Variants in MAPT observed in about 807,000 individuals in gnomAD.
MAPT encodes the protein microtubule-associated protein tau.
In MAPT, 34 loss-of-function variants were observed where a neutral mutation model predicts 67.9. That is an observed-to-expected ratio of 0.50 (90% CI 0.38 to 0.67). MAPT has a LOEUF of 0.67. Among genes scored for constraint, MAPT ranks in the 30% least tolerant of loss-of-function variants. MAPT has a pLI of 0.00. For synonymous variants in MAPT, 456 were observed against 464.5 expected (o/e 0.98, Z 0.23); for missense variants, 881 against 1,115.2 (o/e 0.79, Z 2.99).
intron 9 of MAPT, among the ~76,000 whole-genome samples, chr17:46,003,036 A>C (rs1013301099): frequency 3.3e-5 from 5 of 151,960 alleles, no homozygotes; most frequent in Admixed American, 1.3e-4. Context: ...CTCCTGCCTC[A>C]GCCTCGCAAA....
chr17:45,970,969 T>A (rs1018598418), intron 2 of MAPT, among the ~76,000 whole-genome samples: 1 of 152,224 alleles, frequency 6.6e-6, no homozygotes, highest in African/African-American at 2.4e-5. Flanking sequence ...TCTGTATACA[T>A]TGGGCTCTCA....
chr17:45,929,868 C>T (rs971548205), intron 1 of MAPT, among the ~76,000 whole-genome samples: 1 of 152,126 alleles, frequency 6.6e-6, no homozygotes, highest in African/African-American at 2.4e-5. Flanking sequence ...GTGCTGTTAA[C>T]CTTTGTTTGC....
chr17:45,962,573 G>A lies in MAPT; in HGVS notation c.133+103G>A, dbSNP rs1030856674. ...GCAAAGAAATTTTAAATACATTATT[G>A]TCTTAGACTGTCAGTAAAGTAAAGC... On this transcript the variant is annotated intron_variant, in intron 2 of 12. Transcript: ENST00000262410. 3.6e-6 allele frequency: 5 copies of A among 1,403,890 alleles called. No individual in the cohort carries two copies. The Admixed American group carries it at 5.9e-5, about 17-fold the overall frequency. 87.0% of individuals were successfully genotyped at this position (1,403,890 alleles called of 1,614,324 possible). A position where few individuals can be genotyped will look rare whatever the true frequency, so the allele number is the denominator to read the frequency against.
intron 1 of MAPT, among the ~76,000 whole-genome samples, chr17:45,913,907 T>G (rs2064978189): frequency 6.6e-6 from 1 of 152,094 alleles, no homozygotes. Context: ...TGGGCTTTCA[T>G]GATGCTCACA....
At chr17:45,950,184 G>A (rs1292773043) in intron 1 of MAPT, among the ~76,000 whole-genome samples, 1 of 152,178 alleles carries the variant, frequency 6.6e-6, no homozygotes, top group African/African-American at 2.4e-5. Context: ...AGGTTACAGT[G>A]AGCCTGGATG....
At chr17:46,018,503 C>T (rs972758719) in intron 11 of MAPT, 115 bp from the exon 12 acceptor site, 1 of 832,082 alleles carries the variant, frequency 1.2e-6, no homozygotes, top group Admixed American at 1.7e-5. Context: ...TTTTGCTGTG[C>T]CCCAGCAGCC....
chr17:45,938,049 C>A (rs1327141317), intron 1 of MAPT, among the ~76,000 whole-genome samples: 1 of 152,204 alleles, frequency 6.6e-6, no homozygotes, highest in African/African-American at 2.4e-5. Flanking sequence ...TCCCCCAAAT[C>A]AAGTTGTCAT....
chr17:45,983,994 A>G lies in MAPT; in HGVS notation c.1351+64A>G, dbSNP rs2073285362. The G allele has an allele frequency of 3.6e-6, 5 of 1,397,356 alleles. No individual in the cohort carries two copies. The South Asian group carries it at 5.6e-5, about 16-fold the overall frequency. The allele number at this position is 1,397,356 out of a possible 1,614,324, so 86.6% of individuals were successfully genotyped here. ...CTCCCAGGCCTCCCAGGCTGCGGGC[A>G]CTGCCACTGAGCTTCCAGGCCTCCC... On this transcript the variant is annotated intron_variant, in intron 5 of 12. Transcript: ENST00000262410.
intron 1 of MAPT, among the ~76,000 whole-genome samples, chr17:45,941,663 C>CA (rs2067907786): frequency 9.4e-6 from 1 of 106,044 alleles, no homozygotes; most frequent in Admixed American, 1.0e-4. Context: ...TCCACCCTTC[C>CA]CCCCTTCCCC....
At chr17:45,901,197 ATCT>A (rs1488265679) in intron 1 of MAPT, among the ~76,000 whole-genome samples, 24 of 152,308 alleles carry the variant, frequency 1.6e-4, no homozygotes, top group Non-Finnish European at 3.5e-4. Context: ...TCCCTGCCTC[ATCT>A]TCTTCCTGAA....
intron 12 of MAPT, among the ~76,000 whole-genome samples, chr17:46,019,876 G>A (rs926784607): frequency 6.6e-6 from 1 of 151,862 alleles, no homozygotes; most frequent in Non-Finnish European, 1.5e-5. Flanking sequence ...GCTGGGTGTG[G>A]TGGTGCGTGC....
At chr17:45,968,209 C>A (rs77020679) in intron 2 of MAPT, among the ~76,000 whole-genome samples, 99 of 112,692 alleles carry the variant, frequency 8.8e-4, no homozygotes, top group Middle Eastern at 5.3e-3. Context: ...CAAAAAACAA[C>A]AAAAAAAAAC....
chr17:45,971,896 G>A lies in MAPT; in HGVS notation c.171G>A (p.Glu57=). 10 of 1,614,138 alleles carry A rather than the reference G, an allele frequency of 6.2e-6. No individual in the cohort carries two copies. The highest frequency in any genetic ancestry group is 8.5e-6 in the Non-Finnish European group (10 of 1,180,034). The part of the protein sequence containing the change: ...PLQTPTEDGS[E]EPGSETSDAK... ...AGACCCCCACTGAGGACGGATCTGA[G>A]GAACCGGGCTCTGAAACCTCTGATG... Residue 57 remains glutamate, a synonymous_variant, in exon 3 of 13, where the codon GAG becomes GAA. Transcript: ENST00000262410. The surrounding 1 kb of genome is among the most constrained non-coding windows in gnomAD (Gnocchi z 4.3).
intron 5 of MAPT, 54 bp downstream of exon 5, chr17:45,983,984 G>C: frequency 7.0e-7 from 1 of 1,425,708 alleles, no homozygotes; most frequent in South Asian, 1.4e-5. Flanking sequence ...AGGCCTCCCA[G>C]GCTGCGGGCA....
chr17:45,976,874 G>A (rs1010778886), intron 3 of MAPT: 1 of 152,322 alleles, frequency 6.6e-6, no homozygotes, highest in African/African-American at 2.4e-5. Context: ...CGTGTCCGAG[G>A]AAGCCTCCTC....
At chr17:45,905,498 T>A (rs1568138204) in intron 1 of MAPT, among the ~76,000 whole-genome samples, 1 of 151,952 alleles carries the variant, frequency 6.6e-6, no homozygotes, top group Non-Finnish European at 1.5e-5. Context: ...CAAGAAAAAA[T>A]TTTTAATCAG....
At chr17:45,903,885 A>T (rs1204629545) in intron 1 of MAPT, among the ~76,000 whole-genome samples, 1 of 26,912 alleles carries the variant, frequency 3.7e-5, no homozygotes, top group Admixed American at 7.0e-4. Context: ...ATATTTATAT[A>T]TTTATATATT....
intron 2 of MAPT, among the ~76,000 whole-genome samples, chr17:45,968,152 G>C (rs1043403051): frequency 1.3e-5 from 2 of 152,040 alleles, no homozygotes. Flanking sequence ...TGCACAGCCA[G>C]TGAACTGACA....
intron 1 of MAPT, among the ~76,000 whole-genome samples, chr17:45,899,274 C>A (rs185711889): frequency 1.5e-3 from 227 of 152,258 alleles, no homozygotes; most frequent in African/African-American, 5.2e-3. Context: ...AAACATCCTA[C>A]AAGGAAGGCA....
Sources: gnomAD v4.1 joint callset for allele counts (sites outside exome capture counted in the v4.1 genomes callset) on GRCh38, gnomAD v4.1.1 for gene constraint, Gnocchi (gnomAD v3.1) non-coding constraint, MANE v1.5 for transcripts, NCBI Gene and HGNC (gene_info 2026-07-23, HGNC 2026-07-21) for gene names.